The following SNTG1 variants were observed in gnomAD, a reference collection of about 807,000 sequenced individuals.
SNTG1 encodes gamma-1-syntrophin.
Under a neutral mutation model 74.7 loss-of-function variants are expected in SNTG1, and 39 were observed. That is an observed-to-expected ratio of 0.52 (90% CI 0.40 to 0.68). SNTG1 has a LOEUF of 0.68. Ranked by LOEUF, SNTG1 falls within the 30% of genes least tolerant of loss-of-function variation. The probability of loss-of-function intolerance (pLI) is 0.00; values close to 1 mark genes in which losing one functional copy is unlikely to be tolerated. For synonymous variants in SNTG1, 254 were observed against 217.1 expected (o/e 1.17, Z -1.49); for missense variants, 685 against 609.5 (o/e 1.12, Z -1.30).
At chr8:50,664,877 T>C (rs564395690) in intron 15 of SNTG1, among the ~76,000 whole-genome samples, 191 of 152,284 alleles carry the variant, frequency 1.3e-3, no homozygotes, top group African/African-American at 4.4e-3. Context: ...ATGAGCAGTG[T>C]ATCATTTGTA....
intron 1 of SNTG1, among the ~76,000 whole-genome samples, chr8:49,990,558 T>A (rs900868397): frequency 6.6e-6 from 1 of 152,108 alleles, no homozygotes; most frequent in African/African-American, 2.4e-5. Flanking sequence ...AAATACATAA[T>A]GTATTACAAA....
At chr8:50,247,598 T>C (rs1007405407) in intron 2 of SNTG1, among the ~76,000 whole-genome samples, 5 of 152,148 alleles carry the variant, frequency 3.3e-5, no homozygotes, top group African/African-American at 7.2e-5. Context: ...CTCAAACTCC[T>C]GGGTTCTGGT....
chr8:50,429,180 T>C (rs2093202489), intron 4 of SNTG1, among the ~76,000 whole-genome samples: 1 of 151,998 alleles, frequency 6.6e-6, no homozygotes, highest in African/African-American at 2.4e-5. Flanking sequence ...AGATTTCAAA[T>C]AGCTAAAACA....
intron 2 of SNTG1, among the ~76,000 whole-genome samples, chr8:50,213,268 G>A (rs73575386): frequency 0.072 from 10,945 of 152,134 alleles, 1,286 homozygotes; most frequent in African/African-American, 0.25. Flanking sequence ...ATTCTGTATA[G>A]GAATTTCTTT....
At chr8:50,337,786 A>G (rs1032972173) in intron 2 of SNTG1, among the ~76,000 whole-genome samples, 7 of 152,232 alleles carry the variant, frequency 4.6e-5, no homozygotes, top group African/African-American at 7.2e-5. Context: ...ACAAGGCTGT[A>G]GCATAATAAT....
intron 2 of SNTG1, among the ~76,000 whole-genome samples, chr8:50,203,035 ACTT>A (rs1422030739): frequency 2.0e-5 from 3 of 151,758 alleles, no homozygotes; most frequent in Non-Finnish European, 4.4e-5. Context: ...GTTCTTGGGT[ACTT>A]CTTCTTTCTC....
chr8:50,212,749 T>C (rs1293154477), intron 2 of SNTG1, among the ~76,000 whole-genome samples: 1 of 152,176 alleles, frequency 6.6e-6, no homozygotes, highest in Non-Finnish European at 1.5e-5. Flanking sequence ...GAAAGTGCTG[T>C]TGAATGGAAC....
At chr8:50,761,273 C>T (rs17785568) in intron 18 of SNTG1, among the ~76,000 whole-genome samples, 2,517 of 152,002 alleles carry the variant, frequency 0.017, 39 homozygotes, top group Middle Eastern at 0.037. Flanking sequence ...GCAACGTTTT[C>T]CTGATTCAGT....
intron 2 of SNTG1, among the ~76,000 whole-genome samples, chr8:50,207,014 G>C (rs1362842226): frequency 6.6e-6 from 1 of 152,218 alleles, no homozygotes; most frequent in African/African-American, 2.4e-5. Context: ...CAGGGATATT[G>C]GTCTAAAATT....
chr8:50,517,347 A>G (rs1396810697), intron 9 of SNTG1, among the ~76,000 whole-genome samples: 1 of 152,198 alleles, frequency 6.6e-6, no homozygotes, highest in Non-Finnish European at 1.5e-5. Flanking sequence ...AAGTATACCA[A>G]ATTGTAAAGA....
At chr8:50,314,445 T>C (rs1049353332) in intron 2 of SNTG1, among the ~76,000 whole-genome samples, 2 of 149,726 alleles carry the variant, frequency 1.3e-5, no homozygotes, top group Non-Finnish European at 2.9e-5. Flanking sequence ...AAGTCCCTGT[T>C]CCCTCTTTTA....
chr8:50,386,794 G>T (rs2092581884), intron 2 of SNTG1, among the ~76,000 whole-genome samples: 1 of 152,068 alleles, frequency 6.6e-6, no homozygotes, highest in Non-Finnish European at 1.5e-5. Context: ...GGACACCAAG[G>T]CATTCATGAG....
At chr8:50,324,367 T>C (rs545933097) in intron 2 of SNTG1, among the ~76,000 whole-genome samples, 3 of 152,344 alleles carry the variant, frequency 2.0e-5, no homozygotes, top group African/African-American at 7.2e-5. Context: ...GCATTGGCAA[T>C]TTATGACTGT....
At chr8:50,379,127 C>T (rs867132801) in intron 2 of SNTG1, among the ~76,000 whole-genome samples, 1 of 152,298 alleles carries the variant, frequency 6.6e-6, no homozygotes, top group East Asian at 1.9e-4. Context: ...CCCTTCTGTG[C>T]TAGTTGGTGC....
At chr8:50,684,787 A>G (rs13263172) in intron 15 of SNTG1, among the ~76,000 whole-genome samples, 49,115 of 144,596 alleles carry the variant, frequency 0.34, 10,789 homozygotes, top group African/African-American at 0.63. Context: ...TGCTCATTGT[A>G]CAGGTTAGTT....
Position 50,470,605 on chromosome 8 carries a change from G to C in SNTG1, c.363+19876G>C, listed in dbSNP as rs189224713. Among the ~76,000 whole-genome samples, 432 of 152,286 alleles carry C rather than the reference G, an allele frequency of 2.8e-3. 2 individuals carry two copies. Among genetic ancestry groups the C allele is most frequent in the African/African-American group, 0.01 (420 of 41,562 alleles). ...TGGTCTTGCTGGCTTCAGGAGTGAA[G>C]GTGCAGAGCTTCGCAGTGAGTGTTA... is the stretch of plus-strand genomic sequence containing the variant. On this transcript the variant is annotated intron_variant, in intron 8 of 18. Transcript: ENST00000642720.
intron 3 of SNTG1, among the ~76,000 whole-genome samples, chr8:50,398,476 C>G (rs962653449): frequency 6.6e-6 from 1 of 152,158 alleles, no homozygotes; most frequent in Non-Finnish European, 1.5e-5. Context: ...GACATTTGTT[C>G]CTCTAATGAT....
At chr8:50,620,310 C>T (rs568679789) in intron 13 of SNTG1, among the ~76,000 whole-genome samples, 2 of 152,248 alleles carry the variant, frequency 1.3e-5, no homozygotes, top group East Asian at 3.9e-4. Context: ...TCTGTCACGT[C>T]TCTGATGGAT....
intron 13 of SNTG1, among the ~76,000 whole-genome samples, chr8:50,627,221 A>C (rs2094962335): frequency 6.6e-6 from 1 of 152,152 alleles, no homozygotes; most frequent in Non-Finnish European, 1.5e-5. Flanking sequence ...TTTTGTAGGT[A>C]TTACAAAGTT....
Sources: allele counts gnomAD v4.1 joint callset (sites outside exome capture counted in the v4.1 genomes callset), GRCh38; gene constraint gnomAD v4.1.1; transcripts MANE v1.5; gene names NCBI Gene and HGNC (gene_info 2026-07-23, HGNC 2026-07-21).